RBFA: variants seen among roughly 807,000 people sequenced by gnomAD.
RBFA encodes ribosome binding factor A.
In RBFA, 16 loss-of-function variants were observed where a neutral mutation model predicts 27.9. The ratio of observed to expected loss-of-function variants is 0.57; its 90% CI spans 0.39 to 0.87. The LOEUF is 0.87. Among genes scored for constraint, RBFA ranks in the 40% least tolerant of loss-of-function variants. The probability of loss-of-function intolerance (pLI) is 0.00; values close to 1 mark genes in which losing one functional copy is unlikely to be tolerated. For synonymous variants in RBFA, 181 were observed against 181.0 expected, an observed-to-expected ratio of 1.00 and a Z score of 0.00; for missense variants, 456 against 432.1, an observed-to-expected ratio of 1.06 and a Z score of -0.49.
intron 4 of RBFA, chr18:80,041,161 G>A (rs2052013155): frequency 6.6e-6 from 1 of 152,168 alleles, no homozygotes; most frequent in Admixed American, 6.5e-5. Context: ...GCATATCAGA[G>A]AATGCTTATT....
intron 4 of RBFA, 94 bp downstream of exon 4, chr18:80,038,711 G>T (rs977835381): frequency 9.8e-5 from 87 of 890,944 alleles, no homozygotes; most frequent in Non-Finnish European, 1.4e-4. Flanking sequence ...ACTTTTCATT[G>T]AGTATTTTTG....
In RBFA at chr18:80,046,387, C is replaced by G. The variant is rs890132977; in HGVS notation, c.*232C>G. The G allele has an allele frequency of 3.7e-6, 2 of 546,310 alleles. No individual in the cohort carries two copies. Among genetic ancestry groups the G allele is most frequent in the Non-Finnish European group, 3.2e-6 (1 of 310,562 alleles). 33.8% of individuals were successfully genotyped at this position (546,310 alleles called of 1,614,324 possible). On this transcript the variant is annotated 3_prime_UTR_variant, in exon 7 of 7. Coordinates refer to ENST00000306735, the MANE Select transcript of RBFA (RefSeq NM_024805.3). ...ATGGCCATCTTATCACAGATTCTCA[C>G]AAAAAGAAAATGGTAAAATAGTGTC...
chr18:80,045,785 C>G lies in RBFA; in HGVS notation c.662C>G (p.Ala221Gly). 2 of 1,514,932 alleles carry G rather than the reference C, an allele frequency of 1.3e-6. No individual in the cohort carries two copies. The highest frequency in any genetic ancestry group is 1.8e-6 in the Non-Finnish European group (2 of 1,132,476). The allele number at this position is 1,514,932 out of a possible 1,614,324, so 93.8% of individuals were successfully genotyped here. A position where few individuals can be genotyped will look rare whatever the true frequency, so the allele number is the denominator to read the frequency against. Reference protein sequence around the residue: ...FVQNDFRDPDAPQPCGTTEPT... With the variant: ...FVQNDFRDPDGPQPCGTTEPT... ...TTCTTCCTTCCCAGGGACCCTGATG[C>G]CCCACAACCCTGCGGCACCACAGAG... The change falls in exon 7 of 7, where the codon GCC becomes GGC. Residue 221 changes from alanine (A) to glycine (G), a missense_variant. Physicochemically the swap from Ala to Gly is moderately conservative, Grantham distance 60. Coordinates refer to ENST00000306735, the MANE Select transcript of RBFA (RefSeq NM_024805.3).
chr18:80,043,431 C>T (rs1045625188), intron 5 of RBFA, among the ~76,000 whole-genome samples: 11 of 152,168 alleles, frequency 7.2e-5, no homozygotes, highest in East Asian at 1.9e-4. Context: ...TAGTCCCTGC[C>T]GTAAGGAATC....
At chr18:80,044,814 T>C in intron 6 of RBFA, among the ~76,000 whole-genome samples, 1 of 152,180 alleles carries the variant, frequency 6.6e-6, no homozygotes, top group East Asian at 1.9e-4. Context: ...TTGGGGTGTT[T>C]GTGGGGGGCC....
In RBFA at chr18:80,049,672, C is replaced by T. The variant is rs1340974497; in HGVS notation, c.*3517C>T. Among the ~76,000 whole-genome samples, 1 of 152,268 alleles carries T rather than the reference C, an allele frequency of 6.6e-6. No homozygotes were observed. Among genetic ancestry groups the T allele is most frequent in the African/African-American group, 2.4e-5 (1 of 41,486 alleles). On this transcript the variant is annotated 3_prime_UTR_variant, in exon 7 of 7. Coordinates refer to ENST00000306735, the MANE Select transcript of RBFA (RefSeq NM_024805.3). ...TCCCCTGGGGGCTCATAAAACCAGA[C>T]TGTCGGCCACTTCAGCCTTCTGGTT...
chr18:80,036,778 T>G, intron 2 of RBFA, 68 bp downstream of exon 2: 2 of 1,179,598 alleles, frequency 1.7e-6, no homozygotes, highest in Non-Finnish European at 2.5e-6. Flanking sequence ...GGCAAAACTC[T>G]TACCTGGAGG....
rs896968488 is a variant in RBFA at position 80,050,497 on chromosome 18, C to T, written c.*4342C>T. 3.9e-5 allele frequency among the ~76,000 whole-genome samples: 6 copies of T among 152,168 alleles called. No homozygotes were observed. Among genetic ancestry groups the T allele is most frequent in the East Asian group, 1.9e-4 (1 of 5,190 alleles). ...TTTATCCTTTGTGCCACAAACAATC[C>T]GATTATATTGTTTTAGTTATTTTTA... is the stretch of plus-strand genomic sequence containing the variant. On this transcript the variant is annotated 3_prime_UTR_variant, in exon 7 of 7. Coordinates refer to ENST00000306735, the MANE Select transcript of RBFA (RefSeq NM_024805.3).
At position 80,049,551 on chromosome 18, in the gene RBFA, A is replaced by C. The variant is rs141831822; in HGVS notation, c.*3396A>C. 4.7e-4 allele frequency among the ~76,000 whole-genome samples: 72 copies of C among 152,332 alleles called. No homozygotes were observed. Among genetic ancestry groups the C allele is most frequent in the African/African-American group, 1.6e-3 (68 of 41,582 alleles). On this transcript the variant is annotated 3_prime_UTR_variant, in exon 7 of 7. Transcript: ENST00000306735. ...ACTGTTAAACTGCTGATGAAATGTGAAACGACTTCACAGGTTTTCAGTCTG... is the reference window on the plus strand; with the variant it reads ...ACTGTTAAACTGCTGATGAAATGTGCAACGACTTCACAGGTTTTCAGTCTG...
At position 80,042,158 on chromosome 18, in the gene RBFA, C is replaced by T. The variant is rs1254053853; in HGVS notation, c.515C>T (p.Thr172Ile). Residue 172 changes from threonine (T) to isoleucine (I), a missense_variant, in exon 5 of 7, where the codon ACC becomes ATC. Transcript: ENST00000306735. ...AGGCACCTTTTGATGTCCCAGCAGA[C>T]CCTGAGGAATGTGCCACCGATAGTG... ...HMRHLLMSQQ[T>I]LRNVPPIVFV... 1 of 1,611,080 alleles carries T rather than the reference C, an allele frequency of 6.2e-7. No homozygotes were observed. Among genetic ancestry groups the T allele is most frequent in the Non-Finnish European group, 8.5e-7 (1 of 1,178,130 alleles).
chr18:80,034,508 G>A lies in RBFA; in HGVS notation c.13G>A (p.Ala5Thr). The change falls in exon 1 of 7, where the codon GCG becomes ACG. Residue 5 changes from alanine to threonine, a missense_variant. Physicochemically the swap from Ala to Thr is moderately conservative, Grantham distance 58 (BLOSUM62 0). Transcript: ENST00000306735. MWAAAGGLWRSRAGL... is the reference protein window; with the variant it reads MWAATGGLWRSRAGL... Reference sequence around the variant, plus strand: ...CCGGCGCCGCGCCATGTGGGCTGCGGCGGGCGGGCTGTGGCGCTCCCGCGC... The same window carrying A: ...CCGGCGCCGCGCCATGTGGGCTGCGACGGGCGGGCTGTGGCGCTCCCGCGC... 6.4e-7 allele frequency: 1 copy of A among 1,569,324 alleles called. No individual in the cohort carries two copies. Among genetic ancestry groups the A allele is most frequent in the Non-Finnish European group, 8.6e-7 (1 of 1,164,548 alleles).
At chr18:80,044,367 G>C (rs1363405556) in intron 6 of RBFA, 82 bp downstream of exon 6, 1 of 1,246,766 alleles carries the variant, frequency 8.0e-7, no homozygotes, top group Non-Finnish European at 1.2e-6. Context: ...CAGCTGCCCA[G>C]CGCCACATCC....
At chr18:80,045,285 G>A (rs560355620) in intron 6 of RBFA, among the ~76,000 whole-genome samples, 6 of 149,528 alleles carry the variant, frequency 4.0e-5, no homozygotes, top group Non-Finnish European at 7.4e-5. Flanking sequence ...AGAGTGCAGC[G>A]GCGTGATCTT....
intron 4 of RBFA, among the ~76,000 whole-genome samples, chr18:80,039,768 T>C (rs78078340): frequency 0.24 from 36,204 of 152,186 alleles, 5,640 homozygotes; most frequent in Non-Finnish European, 0.35. Flanking sequence ...GGTGAGCTGT[T>C]GTTTTCCAAA....
At position 80,046,326 on chromosome 18, in the gene RBFA, T is replaced by A; in HGVS notation, c.*171T>A. The A allele has an allele frequency of 1.4e-6, 1 of 717,006 alleles. No individual in the cohort carries two copies. Among genetic ancestry groups the A allele is most frequent in the South Asian group, 2.0e-5 (1 of 50,538 alleles). The allele number at this position is 717,006 out of a possible 1,614,324, so 44.4% of individuals were successfully genotyped here. A position where few individuals can be genotyped will look rare whatever the true frequency, so the allele number is the denominator to read the frequency against. ...ACAATTTGCTACACAAGTCACTGTTTTTTTTTCCATGCACTGTGTGTAATT... is the reference window on the plus strand; with the variant it reads ...ACAATTTGCTACACAAGTCACTGTTATTTTTTCCATGCACTGTGTGTAATT... On this transcript the variant is annotated 3_prime_UTR_variant, in exon 7 of 7. Transcript: ENST00000306735.
chr18:80,037,224 T>A (rs1779143364), intron 2 of RBFA, 106 bp from the exon 3 acceptor site: 1 of 784,550 alleles, frequency 1.3e-6, no homozygotes, highest in Non-Finnish European at 2.1e-6. Flanking sequence ...TGATAGCTGC[T>A]GTTGATCTGG....
chr18:80,037,948 AAATGATGCTCAGTCTGGTCATTG>A (rs1372541236), intron 3 of RBFA, among the ~76,000 whole-genome samples: 2 of 152,082 alleles, frequency 1.3e-5, no homozygotes, highest in African/African-American at 4.8e-5. Context: ...GCAGAAATAG[AAATGATGCTCAGTCTGGTCATTG>A]GAGCCCTGGA....
At chr18:80,034,807 T>A in intron 1 of RBFA, 154 bp downstream of exon 1, 1 of 844,540 alleles carries the variant, frequency 1.2e-6, no homozygotes, top group South Asian at 1.9e-5. Flanking sequence ...GCTCTCACTG[T>A]CAGCATTTGC....
rs562779803 is a variant in RBFA, at chr18:80,049,307, G to C, written c.*3152G>C. ...TGGGTCCACTCCTGGGGATTTCCAC[G>C]GCCTTTCCTGGGAGCAGGTTAGGGA... is the stretch of plus-strand genomic sequence containing the variant. On this transcript the variant is annotated 3_prime_UTR_variant, in exon 7 of 7. Coordinates refer to ENST00000306735, the MANE Select transcript of RBFA (RefSeq NM_024805.3). 3.3e-5 allele frequency among the ~76,000 whole-genome samples: 5 copies of C among 152,026 alleles called. No individual in the cohort carries two copies. In the South Asian group the frequency reaches 6.2e-4, roughly 19 times the overall value.
Sources: allele counts gnomAD v4.1 joint callset (sites outside exome capture counted in the v4.1 genomes callset), GRCh38; gene constraint gnomAD v4.1.1; transcripts MANE v1.5; gene names NCBI Gene and HGNC (gene_info 2026-07-23, HGNC 2026-07-21).